The following MNAT1 variants were observed in gnomAD, a reference collection of about 807,000 sequenced individuals.
MNAT1 encodes the protein CDK-activating kinase assembly factor MAT1.
In MNAT1, 43 loss-of-function variants were observed where a neutral mutation model predicts 42.0. The ratio of observed to expected loss-of-function variants is 1.02; its 90% CI spans 0.80 to 1.32. The LOEUF is 1.32. MNAT1 is among the 40% of genes most tolerant of loss of function. MNAT1 has a pLI of 0.00. For synonymous variants in MNAT1, 118 were observed against 120.0 expected (o/e 0.98, Z 0.11); for missense variants, 306 against 350.4 (o/e 0.87, Z 1.01).
rs761730372 is a variant in MNAT1, at chr14:60,796,205, C to G, written c.90-12C>G. On this transcript the variant is annotated splice_polypyrimidine_tract_variant and intron_variant, in intron 1 of 7. Coordinates refer to ENST00000261245, the MANE Select transcript of MNAT1 (RefSeq NM_002431.4). ...TTGGCTTAAATGTTATGTTTTATTTCTGTCCTTACAGCTGTGAAAGTTGTG... is the reference window on the plus strand; with the variant it reads ...TTGGCTTAAATGTTATGTTTTATTTGTGTCCTTACAGCTGTGAAAGTTGTG... 8 of 1,603,758 alleles carry G rather than the reference C, an allele frequency of 5.0e-6. No individual in the cohort carries two copies. The highest frequency in any genetic ancestry group is 3.4e-6 in the Non-Finnish European group (4 of 1,174,942).
At chr14:60,915,653 C>G (rs1468633511) in intron 7 of MNAT1, among the ~76,000 whole-genome samples, 1 of 152,198 alleles carries the variant, frequency 6.6e-6, no homozygotes, top group African/African-American at 2.4e-5. Context: ...TTATTAATAG[C>G]TTAGTCTCTC....
chr14:60,924,886 G>A (rs2035734061), intron 7 of MNAT1, among the ~76,000 whole-genome samples: 1 of 152,210 alleles, frequency 6.6e-6, no homozygotes, highest in South Asian at 2.1e-4. Flanking sequence ...GCTCACACAT[G>A]AATGGTAAAT....
At chr14:60,786,191 G>T (rs2031645439) in intron 1 of MNAT1, among the ~76,000 whole-genome samples, 2 of 151,902 alleles carry the variant, frequency 1.3e-5, no homozygotes, top group Admixed American at 1.3e-4. Flanking sequence ...CTTTAAAAGG[G>T]CCTTTATACA....
intron 5 of MNAT1, among the ~76,000 whole-genome samples, chr14:60,813,561 T>C (rs1391670840): frequency 6.6e-6 from 1 of 152,128 alleles, no homozygotes; most frequent in Non-Finnish European, 1.5e-5. Context: ...GATTCCACCA[T>C]ATTAGTAAAA....
chr14:60,908,443 G>T (rs577913791), intron 7 of MNAT1, among the ~76,000 whole-genome samples: 18 of 151,930 alleles, frequency 1.2e-4, no homozygotes, highest in Non-Finnish European at 1.9e-4. Flanking sequence ...TTAACATTAG[G>T]TATATCTTCT....
At chr14:60,844,866 T>C (rs2033644839) in intron 6 of MNAT1, among the ~76,000 whole-genome samples, 1 of 152,088 alleles carries the variant, frequency 6.6e-6, no homozygotes, top group Non-Finnish European at 1.5e-5. Context: ...TCAAGTGCTT[T>C]TTCTGTGTTT....
chr14:60,776,795 A>G (rs2031269133), intron 1 of MNAT1, among the ~76,000 whole-genome samples: 1 of 152,162 alleles, frequency 6.6e-6, no homozygotes, highest in African/African-American at 2.4e-5. Context: ...CAACATTTAA[A>G]TTTAAATGGA....
chr14:60,863,347 A>G (rs1461215553), intron 6 of MNAT1, among the ~76,000 whole-genome samples: 1 of 152,060 alleles, frequency 6.6e-6, no homozygotes, highest in East Asian at 1.9e-4. Flanking sequence ...ACTATTTTTT[A>G]AAAAATGGTG....
At chr14:60,840,808 C>A (rs1170400859) in intron 6 of MNAT1, among the ~76,000 whole-genome samples, 3 of 152,102 alleles carry the variant, frequency 2.0e-5, no homozygotes, top group African/African-American at 4.8e-5. Flanking sequence ...GGATTACAGG[C>A]ATGTGCCACC....
chr14:60,939,550 G>T (rs2036091903), intron 7 of MNAT1, among the ~76,000 whole-genome samples: 1 of 152,142 alleles, frequency 6.6e-6, no homozygotes, highest in Admixed American at 6.5e-5. Flanking sequence ...TTTTCAGTGA[G>T]TTTCTTAATC....
chr14:60,861,238 C>T (rs925677787), intron 6 of MNAT1, among the ~76,000 whole-genome samples: 2 of 151,830 alleles, frequency 1.3e-5, no homozygotes, highest in African/African-American at 4.8e-5. Context: ...TGTATATTTC[C>T]AGAAAAAATG....
chr14:60,901,511 C>T (rs1231699915), intron 7 of MNAT1, among the ~76,000 whole-genome samples: 2 of 152,096 alleles, frequency 1.3e-5, no homozygotes, highest in Non-Finnish European at 2.9e-5. Flanking sequence ...ATAGTGATTC[C>T]TCTGATGGAT....
At position 60,808,358 on chromosome 14, in the gene MNAT1, A is replaced by G. The variant is rs745676368; in HGVS notation, c.350A>G (p.Asn117Ser). The change falls in exon 4 of 8, where the codon AAC becomes AGC. Residue 117 changes from asparagine (N) to serine (S), a missense_variant. Coordinates refer to ENST00000261245, the MANE Select transcript of MNAT1 (RefSeq NM_002431.4). ...TTGACCAACAATGTGGATTTGGACA[A>G]CACCAAAAAGAAAATGGAGATATAC... ...FNLTNNVDLD[N>S]TKKKMEIYQK... 6.3e-7 allele frequency: 1 copy of G among 1,585,614 alleles called. No homozygotes were observed. Among genetic ancestry groups the G allele is most frequent in the African/African-American group, 1.4e-5 (1 of 72,946 alleles).
intron 7 of MNAT1, among the ~76,000 whole-genome samples, chr14:60,914,637 G>A (rs1357346016): frequency 2.0e-5 from 3 of 151,968 alleles, no homozygotes; most frequent in African/African-American, 7.3e-5. Flanking sequence ...ATGGACTTCT[G>A]TGTTGTAGGT....
At chr14:60,791,517 A>G (rs920916914) in intron 1 of MNAT1, among the ~76,000 whole-genome samples, 3 of 152,166 alleles carry the variant, frequency 2.0e-5, no homozygotes, top group African/African-American at 7.2e-5. Flanking sequence ...AATTTAGCCT[A>G]AAGGTATGAA....
chr14:60,900,048 ATCTCTC>A (rs61149455), intron 7 of MNAT1, among the ~76,000 whole-genome samples: 63 of 136,410 alleles, frequency 4.6e-4, no homozygotes, highest in East Asian at 3.0e-3. Flanking sequence ...CTGTTTCCCC[ATCTCTC>A]TCTCTCTCTC....
intron 6 of MNAT1, among the ~76,000 whole-genome samples, chr14:60,840,256 C>T (rs2033509101): frequency 6.6e-6 from 1 of 152,118 alleles, no homozygotes; most frequent in Non-Finnish European, 1.5e-5. Flanking sequence ...GGAAAAATGC[C>T]TGTGTGAGAA....
At chr14:60,885,722 T>G (rs962856564) in intron 7 of MNAT1, among the ~76,000 whole-genome samples, 10 of 152,054 alleles carry the variant, frequency 6.6e-5, no homozygotes, top group Non-Finnish European at 1.5e-4. Context: ...GTAGGTTGGT[T>G]TTTCATTTTG....
rs1376560660 is a variant in MNAT1, at chr14:60,942,442, A to AT, written c.810-25787_810-25786insT. Among the ~76,000 whole-genome samples the AT allele has an allele frequency of 2.6e-4, 14 of 53,240 alleles. No homozygotes were observed. The East Asian group carries it at 5.4e-3, about 21-fold the overall frequency. The allele number at this position is 53,240 out of a possible 152,430, so 34.9% of individuals were successfully genotyped here. On this transcript the variant is annotated intron_variant, in intron 7 of 7. Coordinates refer to ENST00000261245, the MANE Select transcript of MNAT1 (RefSeq NM_002431.4). Reference sequence around the variant, plus strand: ...GGGCCCTTATTGTTATTTCTCTCTTAATTTTTTTTTTTTTTTGTAAATTTG... The same window carrying AT: ...GGGCCCTTATTGTTATTTCTCTCTTATATTTTTTTTTTTTTTTGTAAATTTG...
Sources: gnomAD v4.1 joint callset for allele counts (sites outside exome capture counted in the v4.1 genomes callset) on GRCh38, gnomAD v4.1.1 for gene constraint, MANE v1.5 for transcripts, NCBI Gene and HGNC (gene_info 2026-07-23, HGNC 2026-07-21) for gene names.